Variants in SLC71A2 observed in about 807,000 individuals in gnomAD.
SLC71A2 encodes the protein hippocampus abundant transcript-like 1.
At chr9:94,404,746 T>A in the SLC71A2 span, among the ~76,000 whole-genome samples, 5 of 152,262 alleles carry the variant, frequency 3.3e-5, no homozygotes, top group Admixed American at 3.3e-4. Context: ...TAATCTCTTA[T>A]CAGATATGTG....
At chr9:94,413,025 C>A in the SLC71A2 span, among the ~76,000 whole-genome samples, 1 of 151,972 alleles carries the variant, frequency 6.6e-6, no homozygotes, top group South Asian at 2.1e-4. Flanking sequence ...AAATGTATAA[C>A]CTCAATCTAA....
At chr9:94,443,178 T>G in the SLC71A2 span, among the ~76,000 whole-genome samples, 1 of 152,068 alleles carries the variant, frequency 6.6e-6, no homozygotes, top group Admixed American at 6.6e-5. Flanking sequence ...CCAGCTCAGC[T>G]CCTCATTGTA....
chr9:94,385,649 C>T, the SLC71A2 span, among the ~76,000 whole-genome samples: 9 of 152,170 alleles, frequency 5.9e-5, no homozygotes, highest in Non-Finnish European at 1.3e-4. Context: ...CACCCTTGCT[C>T]AAAATCAGTT....
the SLC71A2 span, among the ~76,000 whole-genome samples, chr9:94,383,911 A>G: frequency 1.3e-5 from 2 of 152,138 alleles, no homozygotes; most frequent in Non-Finnish European, 2.9e-5. Context: ...GTATCATTAC[A>G]TAAATGTAAT....
At chr9:94,425,913 A>T in the SLC71A2 span, among the ~76,000 whole-genome samples, 1 of 152,160 alleles carries the variant, frequency 6.6e-6, no homozygotes, top group African/African-American at 2.4e-5. Flanking sequence ...TAGATCTTTC[A>T]CTGTCTCAGT....
At chr9:94,397,413 G>A in the SLC71A2 span, among the ~76,000 whole-genome samples, 2 of 151,484 alleles carry the variant, frequency 1.3e-5, no homozygotes, top group East Asian at 1.9e-4. Flanking sequence ...CTTGGGCATC[G>A]CTCTTCAAAC....
the SLC71A2 span, among the ~76,000 whole-genome samples, chr9:94,431,252 G>A: frequency 1.3e-5 from 2 of 151,950 alleles, no homozygotes; most frequent in Admixed American, 6.6e-5. Context: ...GATGGAGGTT[G>A]CAGTGAGCTG....
chr9:94,459,570 C>CTT, the SLC71A2 span: 3 of 547,152 alleles, frequency 5.5e-6, no homozygotes, highest in South Asian at 2.9e-5. Context: ...CATCCTCCTC[C>CTT]TGTTTTTTTT....
At chr9:94,414,115 G>A in the SLC71A2 span, among the ~76,000 whole-genome samples, 2 of 152,174 alleles carry the variant, frequency 1.3e-5, no homozygotes, top group Non-Finnish European at 2.9e-5. Context: ...TGGCAGCAAA[G>A]TCATATTGTG....
At chr9:94,415,843 A>T in the SLC71A2 span, among the ~76,000 whole-genome samples, 1 of 152,068 alleles carries the variant, frequency 6.6e-6, no homozygotes, top group Admixed American at 6.6e-5. Flanking sequence ...CAGGCCACGG[A>T]CTCATAGGGT....
the SLC71A2 span, among the ~76,000 whole-genome samples, chr9:94,378,453 C>A: frequency 1.3e-5 from 2 of 152,064 alleles, no homozygotes; most frequent in Non-Finnish European, 2.9e-5. Flanking sequence ...CATAGTGAAA[C>A]CCCATCTCTA....
At chr9:94,457,012 G>A in the SLC71A2 span, among the ~76,000 whole-genome samples, 1 of 130,898 alleles carries the variant, frequency 7.6e-6, no homozygotes, top group African/African-American at 2.9e-5. Flanking sequence ...TGTCACCCAG[G>A]CTGGAGTGTA....
At chr9:94,383,862 G>T in the SLC71A2 span, among the ~76,000 whole-genome samples, 1 of 151,774 alleles carries the variant, frequency 6.6e-6, no homozygotes, top group African/African-American at 2.4e-5. Flanking sequence ...TCTTTTGTCA[G>T]ATTATTCCGT....
At chr9:94,443,100 G>C in the SLC71A2 span, among the ~76,000 whole-genome samples, 1 of 152,138 alleles carries the variant, frequency 6.6e-6, no homozygotes, top group Non-Finnish European at 1.5e-5. Context: ...GTTGTGCTGA[G>C]CAGTAGTGCT....
the SLC71A2 span, among the ~76,000 whole-genome samples, chr9:94,450,493 C>CTTTTTTTTTTTTTTTTTTTTT: frequency 4.7e-4 from 48 of 102,010 alleles, 4 homozygotes; most frequent in Middle Eastern, 6.7e-3. Flanking sequence ...AATAATGTAA[C>CTTTTTTTTTTTTTTTTTTTTT]TTTTTTTTTT....
At chr9:94,382,945 G>C in the SLC71A2 span, among the ~76,000 whole-genome samples, 7 of 152,010 alleles carry the variant, frequency 4.6e-5, no homozygotes, top group Non-Finnish European at 1.0e-4. Context: ...CACCTGCCTC[G>C]GCCTCCCAAA....
the SLC71A2 span, among the ~76,000 whole-genome samples, chr9:94,391,197 CAAAAAA>C: frequency 1.0e-4 from 6 of 59,074 alleles, no homozygotes; most frequent in African/African-American, 3.7e-4. Flanking sequence ...ATGTCTCTAC[CAAAAAA>C]AAAAAAAAAA....
the SLC71A2 span, among the ~76,000 whole-genome samples, chr9:94,392,606 T>G: frequency 6.6e-6 from 1 of 152,084 alleles, no homozygotes; most frequent in Non-Finnish European, 1.5e-5. Context: ...GTTCAAGTGA[T>G]TCTCCTGCCT....
At chr9:94,456,290 C>T in the SLC71A2 span, 15 of 1,613,958 alleles carry the variant, frequency 9.3e-6, no homozygotes, top group Non-Finnish European at 1.2e-5. Flanking sequence ...ATCACGTTTC[C>T]GGCAATCAGT....
Sources: gnomAD v4.1 joint callset for allele counts (sites outside exome capture counted in the v4.1 genomes callset) on GRCh38, gnomAD v4.1.1 for gene constraint, MANE v1.5 for transcripts, NCBI Gene and HGNC (gene_info 2026-07-23, HGNC 2026-07-21) for gene names.